The following NPC1 variants were observed in gnomAD, a reference collection of about 807,000 sequenced individuals.
NPC1 encodes Niemann-Pick C1 protein.
A neutral mutation model predicts 140.4 loss-of-function variants in NPC1; 85 were observed. That is an observed-to-expected ratio of 0.61 (90% CI 0.51 to 0.72). The LOEUF is 0.72. Ranked by LOEUF, NPC1 falls within the 30% of genes least tolerant of loss-of-function variation. The pLI, the probability that NPC1 is intolerant of heterozygous loss-of-function variation, is 0.00. For synonymous variants in NPC1, 656 were observed against 624.8 expected (o/e 1.05, Z -0.74); for missense variants, 1,504 against 1,623.8 (o/e 0.93, Z 1.27).
At chr18:23,508,124 G>A (rs1169828464) in intron 3 of NPC1, 21 of 1,253,010 alleles carry the variant, frequency 1.7e-5, no homozygotes, top group African/African-American at 1.1e-4. Context: ...CATTGGGGTC[G>A]CAGGGAGCAC....
intron 1 of NPC1, 111 bp downstream of exon 1, chr18:23,586,176 G>T: frequency 2.5e-6 from 3 of 1,212,398 alleles, no homozygotes; most frequent in South Asian, 1.4e-5. Flanking sequence ...TCCATCGCCA[G>T]ACCAACTTCC....
intron 3 of NPC1, among the ~76,000 whole-genome samples, chr18:23,511,726 G>A (rs1415165871): frequency 6.6e-6 from 1 of 150,838 alleles, no homozygotes. Flanking sequence ...GTATTCCACT[G>A]TATGGATGGA....
intron 10 of NPC1, among the ~76,000 whole-genome samples, chr18:23,548,481 C>A (rs541184278): frequency 6.6e-6 from 1 of 152,002 alleles, no homozygotes; most frequent in Non-Finnish European, 1.5e-5. Flanking sequence ...TGACCATCTG[C>A]GAATCTTTCC....
chr18:23,530,321 A>G (rs375373261), downstream of NPC1: 2 of 1,614,168 alleles, frequency 1.2e-6, no homozygotes, highest in Admixed American at 3.3e-5. Context: ...GTGAGGTTTT[A>G]GACTATGGAA....
chr18:23,543,333 A>G (rs1452775027), intron 14 of NPC1, 122 bp downstream of exon 14: 26 of 250,466 alleles, frequency 1.0e-4, no homozygotes, highest in Middle Eastern at 9.8e-4. Flanking sequence ...CGTCTCAGAG[A>G]AAAAAAAAAA....
At chr18:23,507,965 C>G (rs775071212) in intron 3 of NPC1, 6 of 1,608,276 alleles carry the variant, frequency 3.7e-6, no homozygotes, top group Non-Finnish European at 5.1e-6. Context: ...TTGTGTGTGT[C>G]TGTGTGTTTT....
At chr18:23,543,380 A>G (rs1395903013) in intron 14 of NPC1, 75 bp downstream of exon 14, 4 of 830,972 alleles carry the variant, frequency 4.8e-6, no homozygotes, top group Non-Finnish European at 8.4e-6. Context: ...ACAAAGGGAC[A>G]TGTTCAGGTA....
At chr18:23,532,347 A>G (rs2058539991) in intron 24 of NPC1, 63 bp from the exon 25 acceptor site, 3 of 1,584,238 alleles carry the variant, frequency 1.9e-6, no homozygotes, top group African/African-American at 1.3e-5. Context: ...GGCTGGGCAT[A>G]GTGGCTCACG....
intron 3 of NPC1, among the ~76,000 whole-genome samples, chr18:23,512,057 G>A (rs576553786): frequency 3.6e-5 from 5 of 139,744 alleles, no homozygotes; most frequent in East Asian, 2.1e-4. Context: ...GTCTCACTCC[G>A]TCGCCCAGGC....
chr18:23,526,587 T>G, downstream of NPC1: 1 of 1,591,648 alleles, frequency 6.3e-7, no homozygotes, highest in Non-Finnish European at 8.6e-7. Flanking sequence ...TTTTGGGCTT[T>G]TGTTACGGTT....
downstream of NPC1, among the ~76,000 whole-genome samples, chr18:23,527,392 T>C (rs540176325): frequency 6.6e-6 from 1 of 151,878 alleles, no homozygotes; most frequent in South Asian, 2.1e-4. Context: ...AGCAAGACCC[T>C]GTATCCAAAA....
chr18:23,585,961 T>A (rs893841795), intron 1 of NPC1, among the ~76,000 whole-genome samples: 1 of 152,188 alleles, frequency 6.6e-6, no homozygotes, highest in Non-Finnish European at 1.5e-5. Context: ...CAGAATTTTT[T>A]AAAAAGCAAG....
chr18:23,586,381 C>A lies in NPC1; in HGVS notation c.-38G>T. ...CAAGGCTGCTGACGCCGGCGGCGTT[C>A]GGCTGGTTGGGCTCCCCGGAGGCGG... On this transcript the variant is annotated 5_prime_UTR_variant, in exon 1 of 25. Transcript: ENST00000269228. 6.5e-7 allele frequency: 1 copy of A among 1,530,836 alleles called. No homozygotes were observed. Among genetic ancestry groups the A allele is most frequent in the Non-Finnish European group, 8.7e-7 (1 of 1,145,080 alleles). 94.8% of individuals were successfully genotyped at this position (1,530,836 alleles called of 1,614,324 possible).
In NPC1 at chr18:23,532,225, GCT is replaced by G; in HGVS notation, c.3812_3813del (p.Glu1271AlafsTer64). 1.9e-6 allele frequency: 3 copies of G among 1,614,138 alleles called. No individual in the cohort carries two copies. Among genetic ancestry groups the G allele is most frequent in the East Asian group, 2.2e-5 (1 of 44,870 alleles). On this transcript the variant is annotated frameshift_variant, in exon 25 of 25. Coordinates refer to ENST00000269228, the MANE Select transcript of NPC1 (RefSeq NM_000271.5). LOFTEE classifies it high-confidence loss of function. ...GGCTAGAAATTTAGAAGCCGTTCGC[GCT>G]CTGTTCCTTTGTATCGCTCTTCAGT... ...CATEERYKGTERERLLNF is the reference protein window; with the variant it reads ...CATEERYKGTXRERLLNF
chr18:23,532,650 G>A (rs948313958), intron 24 of NPC1, among the ~76,000 whole-genome samples: 2 of 150,714 alleles, frequency 1.3e-5, no homozygotes, highest in African/African-American at 4.9e-5. Context: ...TGCCTAGGCT[G>A]GTCTCAAACG....
chr18:23,577,400 T>G, intron 1 of NPC1, among the ~76,000 whole-genome samples: 1 of 149,988 alleles, frequency 6.7e-6, no homozygotes, highest in African/African-American at 2.5e-5. Flanking sequence ...GAGCTAGACA[T>G]AAAGGTTCTC....
At chr18:23,543,277 C>T (rs1264574758) in intron 14 of NPC1, among the ~76,000 whole-genome samples, 178 bp downstream of exon 14, 2 of 143,624 alleles carry the variant, frequency 1.4e-5, no homozygotes, top group African/African-American at 5.2e-5. Flanking sequence ...TGCAGTGAGC[C>T]GAGATTGCAC....
rs1186759978 is a variant in NPC1, at chr18:23,545,921, AG to A, written c.1758-773del. ...AGGGTCTTCCACACTGGAGACTATC[AG>A]ATTACAGCTAAGGTTCCATACATGC... On this transcript the variant is annotated intron_variant, in intron 11 of 24. Coordinates refer to ENST00000269228, the MANE Select transcript of NPC1 (RefSeq NM_000271.5). Among the ~76,000 whole-genome samples, 3 of 152,286 alleles carry A rather than the reference AG, an allele frequency of 2.0e-5. No individual in the cohort carries two copies. The East Asian group carries it at 5.8e-4, about 29-fold the overall frequency.
At chr18:23,576,366 G>A (rs1408065408) in intron 1 of NPC1, 2 of 492,916 alleles carry the variant, frequency 4.1e-6, no homozygotes, top group Non-Finnish European at 5.3e-6. Flanking sequence ...AGGCTGCAGT[G>A]AGCTGAGATA....
Sources: allele counts gnomAD v4.1 joint callset (sites outside exome capture counted in the v4.1 genomes callset), GRCh38; gene constraint gnomAD v4.1.1; transcripts MANE v1.5; gene names NCBI Gene and HGNC (gene_info 2026-07-23, HGNC 2026-07-21).